The following SDK1 variants were observed in gnomAD, a reference collection of about 807,000 sequenced individuals.
SDK1 encodes the protein sidekick cell adhesion molecule 1, also known as protein sidekick-1.
A neutral mutation model predicts 245.5 loss-of-function variants in SDK1; 157 were observed. The observed-to-expected ratio is 0.64, with a 90% confidence interval of 0.56 to 0.73. The LOEUF (loss-of-function observed/expected upper bound fraction) is 0.73, where lower values mean the gene tolerates loss of function less well. SDK1 is among the 30% of genes least tolerant of loss of function. SDK1 has a pLI of 0.00. For synonymous variants in SDK1, 1,647 were observed against 1,278.5 expected (o/e 1.29, Z -6.15); for missense variants, 3,583 against 3,002.3 (o/e 1.19, Z -4.52).
At chr7:3,942,059 A>C (rs1190751849) in intron 5 of SDK1, among the ~76,000 whole-genome samples, 1 of 152,008 alleles carries the variant, frequency 6.6e-6, no homozygotes, top group African/African-American at 2.4e-5. Flanking sequence ...GGCGCCCGCC[A>C]CCATGCCCAG....
intron 17 of SDK1, among the ~76,000 whole-genome samples, chr7:4,046,082 C>T (rs920201488): frequency 6.6e-6 from 1 of 151,526 alleles, no homozygotes; most frequent in Non-Finnish European, 1.5e-5. Context: ...GCATGCACTA[C>T]CACACCCAGC....
At chr7:3,696,552 G>A (rs773239039) in intron 4 of SDK1, among the ~76,000 whole-genome samples, 1 of 140,518 alleles carries the variant, frequency 7.1e-6, no homozygotes, top group Non-Finnish European at 1.5e-5. Flanking sequence ...CTTTCTCACA[G>A]AGCTTACATT....
At chr7:3,999,402 G>A (rs1784912030) in intron 14 of SDK1, among the ~76,000 whole-genome samples, 1 of 152,332 alleles carries the variant, frequency 6.6e-6, no homozygotes, top group Admixed American at 6.5e-5. Flanking sequence ...AATATACGAG[G>A]GGGCGTCGGG....
At chr7:4,174,183 C>G in intron 32 of SDK1, 39 bp from the exon 33 acceptor site, 1 of 1,610,510 alleles carries the variant, frequency 6.2e-7, no homozygotes, top group Non-Finnish European at 8.5e-7. Context: ...GCTGGGTTGA[C>G]TCCCATGGTG....
Position 3,798,202 on chromosome 7 carries a change from C to T in SDK1, c.714-23248C>T, listed in dbSNP as rs187638237. Among the ~76,000 whole-genome samples the T allele has an allele frequency of 3.2e-3, 457 of 144,570 alleles. 3 individuals carry two copies. The highest frequency in any genetic ancestry group is 0.012 in the African/African-American group (447 of 38,560). The allele number at this position is 144,570 out of a possible 152,430, so 94.8% of individuals were successfully genotyped here. On this transcript the variant is annotated intron_variant, in intron 4 of 44. Transcript: ENST00000404826. ...AATCTGTGACCTTGTCTTCCATGACCTTGGCACTCTTTTTTTTTTTTTTTT... is the reference window on the plus strand; with the variant it reads ...AATCTGTGACCTTGTCTTCCATGACTTTGGCACTCTTTTTTTTTTTTTTTT...
chr7:3,671,078 G>A (rs1783687152), intron 4 of SDK1, among the ~76,000 whole-genome samples: 3 of 152,168 alleles, frequency 2.0e-5, no homozygotes, highest in African/African-American at 4.8e-5. Flanking sequence ...TTGGAGGACT[G>A]GGACCTCAAG....
chr7:3,571,105 G>T (rs960170494), intron 1 of SDK1, among the ~76,000 whole-genome samples: 4 of 151,926 alleles, frequency 2.6e-5, no homozygotes, highest in African/African-American at 9.7e-5. Flanking sequence ...CTTTAGTTAT[G>T]TTAACCAAGT....
At chr7:3,414,539 G>A (rs528366572) in intron 1 of SDK1, among the ~76,000 whole-genome samples, 7 of 152,076 alleles carry the variant, frequency 4.6e-5, no homozygotes, top group Non-Finnish European at 1.0e-4. Context: ...AAATGAAGTT[G>A]GCAAATTTAT....
At chr7:3,365,060 G>A (rs968271193) in intron 1 of SDK1, among the ~76,000 whole-genome samples, 3 of 152,184 alleles carry the variant, frequency 2.0e-5, no homozygotes, top group Non-Finnish European at 4.4e-5. Flanking sequence ...TTTGGTGTCA[G>A]TGTGTTCACT....
chr7:3,652,170 T>C (rs748246828), intron 4 of SDK1, among the ~76,000 whole-genome samples: 1 of 152,218 alleles, frequency 6.6e-6, no homozygotes, highest in Non-Finnish European at 1.5e-5. Context: ...TGGGCATTTT[T>C]CTTGTGAGCG....
At chr7:4,060,245 A>T (rs2128170498) in intron 19 of SDK1, among the ~76,000 whole-genome samples, 1 of 152,322 alleles carries the variant, frequency 6.6e-6, no homozygotes, top group African/African-American at 2.4e-5. Flanking sequence ...ATACAGCAAA[A>T]GCGATGCTAA....
chr7:3,620,197 C>G (rs1221443867), intron 2 of SDK1, among the ~76,000 whole-genome samples: 2 of 152,050 alleles, frequency 1.3e-5, no homozygotes, highest in Non-Finnish European at 2.9e-5. Flanking sequence ...ATACGGTGGT[C>G]CGTGGAACCA....
intron 42 of SDK1, among the ~76,000 whole-genome samples, chr7:4,238,644 G>C (rs574181687): frequency 1.3e-5 from 2 of 150,200 alleles, no homozygotes; most frequent in South Asian, 2.1e-4. Flanking sequence ...CACCTCCTGG[G>C]TTCAAGCAAT....
chr7:3,713,055 G>A (rs904062541), intron 4 of SDK1, among the ~76,000 whole-genome samples: 1 of 152,232 alleles, frequency 6.6e-6, no homozygotes, highest in Non-Finnish European at 1.5e-5. Flanking sequence ...CTGGGGCATG[G>A]CAGGGTGCCA....
intron 22 of SDK1, among the ~76,000 whole-genome samples, chr7:4,097,071 G>A (rs574282865): frequency 6.6e-6 from 1 of 152,372 alleles, no homozygotes; most frequent in East Asian, 1.9e-4. Flanking sequence ...TTTAGGAACA[G>A]CAAGGAGGCT....
rs535233197 is a variant in SDK1 at position 3,628,810 on chromosome 7, G to A, written c.458+9571G>A. On this transcript the variant is annotated intron_variant, in intron 2 of 44. Transcript: ENST00000404826. ...TATCAGGCAGTGAAAGATTGTGATCGCTGAGAGATGGAAGACAAACAAGGT... is the reference window on the plus strand; with the variant it reads ...TATCAGGCAGTGAAAGATTGTGATCACTGAGAGATGGAAGACAAACAAGGT... Among the ~76,000 whole-genome samples the A allele has an allele frequency of 7.2e-5, 11 of 152,296 alleles. No homozygotes were observed. In the East Asian group the frequency reaches 7.7e-4, roughly 11 times the overall value.
intron 4 of SDK1, among the ~76,000 whole-genome samples, chr7:3,697,587 A>T (rs1489634688): frequency 6.6e-6 from 1 of 152,130 alleles, no homozygotes; most frequent in Non-Finnish European, 1.5e-5. Flanking sequence ...TGCTTGCCCC[A>T]CATGATTCTT....
chr7:3,422,870 A>T (rs780458905), intron 1 of SDK1, among the ~76,000 whole-genome samples: 28 of 152,212 alleles, frequency 1.8e-4, no homozygotes, highest in Non-Finnish European at 3.7e-4. Flanking sequence ...AAAAATAGAT[A>T]GCATTTATTG....
intron 28 of SDK1, among the ~76,000 whole-genome samples, chr7:4,141,406 A>G (rs953793213): frequency 2.0e-5 from 3 of 152,370 alleles, no homozygotes; most frequent in South Asian, 2.1e-4. Flanking sequence ...ACCTCTAGCA[A>G]TGGAATAATC....
Sources: allele counts gnomAD v4.1 joint callset (sites outside exome capture counted in the v4.1 genomes callset), GRCh38; gene constraint gnomAD v4.1.1; transcripts MANE v1.5; gene names NCBI Gene and HGNC (gene_info 2026-07-23, HGNC 2026-07-21).